Variants in RUNX2 observed in about 807,000 individuals in gnomAD.
RUNX2 encodes runt-related transcription factor 2.
RUNX2 carries 10 observed loss-of-function variants against 51.7 expected under a neutral mutation model. That is an observed-to-expected ratio of 0.19 (90% CI 0.12 to 0.33). The LOEUF is 0.33. Among genes scored for constraint, RUNX2 ranks in the 10% least tolerant of loss-of-function variants. RUNX2 has a pLI of 1.00. For missense variants in RUNX2, 562 were observed against 691.3 expected (o/e 0.81, Z 2.10); for synonymous variants, 276 against 273.6 (o/e 1.01, Z -0.09).
At position 45,512,247 on chromosome 6, in the gene RUNX2, C is replaced by A; in HGVS notation, c.861C>A (p.Asp287Glu). Residue 287 changes from aspartate to glutamate, a missense_variant and splice_region_variant, in exon 7 of 9, where the codon GAC becomes GAA. Physicochemically the swap from Asp to Glu is conservative, Grantham distance 45 (BLOSUM62 2). Around this residue, in one of 5 missense-constraint regions of RUNX2, gnomAD observed 304 missense variants for 353.2 expected, o/e 0.86. Coordinates refer to ENST00000647337, the MANE Select transcript of RUNX2 (RefSeq NM_001024630.4). The stretch of plus-strand genomic sequence containing the variant: ...GATTTTTCTTTTTCTTTTTCCCAGA[C>A]CCCAGGCAGGCACAGTCTTCCCCGC... ...FNPQGQSQITDPRQAQSSPPW... is the reference protein window; with the variant it reads ...FNPQGQSQITEPRQAQSSPPW... 1 of 1,613,708 alleles carries A rather than the reference C, an allele frequency of 6.2e-7. No individual in the cohort carries two copies. Among genetic ancestry groups the A allele is most frequent in the Middle Eastern group, 1.7e-4 (1 of 6,060 alleles).
intron 7 of RUNX2, chr6:45,513,388 C>G (rs1417971782): frequency 6.6e-6 from 1 of 152,248 alleles, no homozygotes; most frequent in African/African-American, 2.4e-5. Context: ...AGGTTAATGC[C>G]TTTCTTTCTT....
intron 6 of RUNX2, among the ~76,000 whole-genome samples, chr6:45,506,526 T>G (rs1800972875): frequency 6.6e-6 from 1 of 152,194 alleles, no homozygotes; most frequent in Non-Finnish European, 1.5e-5. Flanking sequence ...TATAAAAACA[T>G]GTCAATTTGT....
At chr6:45,519,829 T>TGC (rs1801448348) in intron 7 of RUNX2, among the ~76,000 whole-genome samples, 1 of 142,696 alleles carries the variant, frequency 7.0e-6, no homozygotes, top group Non-Finnish European at 1.6e-5. Context: ...TGTGTGTGTG[T>TGC]GTGTGTGTAT....
chr6:45,510,777 G>A (rs972198227), intron 6 of RUNX2, among the ~76,000 whole-genome samples: 8 of 151,238 alleles, frequency 5.3e-5, no homozygotes, highest in Non-Finnish European at 1.0e-4. Context: ...AATAATTAAT[G>A]CCTATTAAGT....
intron 2 of RUNX2, chr6:45,371,953 C>T: frequency 1.3e-5 from 10 of 785,006 alleles, no homozygotes; most frequent in Non-Finnish European, 1.5e-5. Flanking sequence ...TTTAGTGATA[C>T]AAGCTGGGAC....
chr6:45,345,851 T>C (rs1330909716), intron 2 of RUNX2, among the ~76,000 whole-genome samples: 2 of 152,144 alleles, frequency 1.3e-5, no homozygotes, highest in African/African-American at 4.8e-5. Flanking sequence ...TTGATACTAA[T>C]CATGTTTTAT....
At chr6:45,519,510 A>G (rs1040248793) in intron 7 of RUNX2, among the ~76,000 whole-genome samples, 1 of 152,032 alleles carries the variant, frequency 6.6e-6, no homozygotes, top group Non-Finnish European at 1.5e-5. Flanking sequence ...TCATTACCCT[A>G]AAAATCCCCT....
rs573241659 is a variant in RUNX2, at chr6:45,486,701, G to A, written c.686-5240G>A. 9.7e-4 allele frequency among the ~76,000 whole-genome samples: 148 copies of A among 152,214 alleles called. 2 individuals carry two copies. Among genetic ancestry groups the A allele is most frequent in the East Asian group, 7.5e-3 (39 of 5,182 alleles). ...TGCATTTTGACATTCTTCAGGGTGC[G>A]CTGACTGGTGCAGTGCATCAGGTTG... On this transcript the variant is annotated intron_variant, in intron 5 of 8. Transcript: ENST00000647337.
At chr6:45,402,038 A>G (rs1797721805) in intron 2 of RUNX2, among the ~76,000 whole-genome samples, 1 of 152,260 alleles carries the variant, frequency 6.6e-6, no homozygotes, top group Admixed American at 6.5e-5. Context: ...TGAGTAATGG[A>G]TTAGATAATT....
rs1211049000 is a variant in RUNX2 at position 45,550,322 on chromosome 6, T to C, written c.*3017T>C. On this transcript the variant is annotated 3_prime_UTR_variant, in exon 9 of 9. Transcript: ENST00000647337. ...GAGAAACTCAACAGATTAACTATCG[T>C]TTGCTCTTTAGACGGTCTCACTGCC... The C allele has an allele frequency of 6.6e-6, 1 of 152,248 alleles. No individual in the cohort carries two copies. The highest frequency in any genetic ancestry group is 1.9e-4 in the East Asian group (1 of 5,196). 9.4% of individuals were successfully genotyped at this position (152,248 alleles called of 1,614,324 possible).
At chr6:45,393,566 A>G (rs1012897253) in intron 2 of RUNX2, among the ~76,000 whole-genome samples, 2 of 151,902 alleles carry the variant, frequency 1.3e-5, no homozygotes, top group Non-Finnish European at 2.9e-5. Context: ...AATAGCTGGG[A>G]CTGCAGGCGC....
chr6:45,419,298 A>G (rs1175579040), intron 2 of RUNX2, among the ~76,000 whole-genome samples: 1 of 152,148 alleles, frequency 6.6e-6, no homozygotes, highest in African/African-American at 2.4e-5. Context: ...CACTTTTACC[A>G]TAGAAATAAT....
intron 7 of RUNX2, among the ~76,000 whole-genome samples, chr6:45,518,858 T>C (rs918281209): frequency 1.3e-5 from 2 of 152,202 alleles, no homozygotes; most frequent in Non-Finnish European, 2.9e-5. Flanking sequence ...AAAGTATTAA[T>C]TTTCTAACGA....
chr6:45,544,623 C>T (rs997635122), intron 7 of RUNX2, among the ~76,000 whole-genome samples: 4 of 152,338 alleles, frequency 2.6e-5, no homozygotes, highest in Admixed American at 6.5e-5. Flanking sequence ...TTCTGATACA[C>T]GCTGTTCACA....
chr6:45,402,286 A>C (rs1797728746), intron 2 of RUNX2, among the ~76,000 whole-genome samples: 1 of 152,228 alleles, frequency 6.6e-6, no homozygotes, highest in Non-Finnish European at 1.5e-5. Context: ...AAATTTCCTC[A>C]TGCTGTTCAG....
intron 2 of RUNX2, among the ~76,000 whole-genome samples, chr6:45,383,110 G>A (rs1169441052): frequency 1.3e-5 from 2 of 152,162 alleles, no homozygotes; most frequent in African/African-American, 2.4e-5. Flanking sequence ...CATGATGTTT[G>A]TATTATCTTT....
chr6:45,477,964 C>T (rs999437914), intron 5 of RUNX2, among the ~76,000 whole-genome samples: 1 of 152,074 alleles, frequency 6.6e-6, no homozygotes, highest in African/African-American at 2.4e-5. Flanking sequence ...GGCTGAGCTC[C>T]AGCGATGCCA....
At chr6:45,328,850 T>C in intron 2 of RUNX2, 66 bp downstream of exon 2, 1 of 1,497,628 alleles carries the variant, frequency 6.7e-7, no homozygotes, top group Non-Finnish European at 9.3e-7. Flanking sequence ...TATGATTCTT[T>C]GATAAACTGC....
chr6:45,336,559 T>C (rs1260732098), intron 2 of RUNX2, among the ~76,000 whole-genome samples: 1 of 151,420 alleles, frequency 6.6e-6, no homozygotes, highest in East Asian at 1.9e-4. Flanking sequence ...ATCAAAATAC[T>C]TGGCTTAAAT....
Sources: allele counts gnomAD v4.1 joint callset (sites outside exome capture counted in the v4.1 genomes callset), GRCh38; gene constraint gnomAD v4.1.1; regional missense constraint gnomAD v4.1.1; transcripts MANE v1.5; gene names NCBI Gene and HGNC (gene_info 2026-07-23, HGNC 2026-07-21).